The following CEACAM19 variants were observed in gnomAD, a reference collection of about 807,000 sequenced individuals.
The protein encoded by CEACAM19 is cell adhesion molecule CEACAM19.
Under a neutral mutation model 37.6 loss-of-function variants are expected in CEACAM19, and 37 were observed. The observed-to-expected ratio is 0.98, with a 90% CI of 0.76 to 1.29. CEACAM19 has a LOEUF of 1.29. Ranked by LOEUF, CEACAM19 falls within the 50% of genes most tolerant of loss-of-function variation. The pLI is 0.00. For missense variants in CEACAM19, 340 were observed against 375.6 expected (o/e 0.91, Z 0.78); for synonymous variants, 140 against 149.8 (o/e 0.93, Z 0.48).
At chr19:44,683,207 C>CA in intron 7 of CEACAM19, 1 of 434,232 alleles carries the variant, frequency 2.3e-6, no homozygotes. Context: ...TCTCTCTCTC[C>CA]ATTCTCTGTC....
chr19:44,680,239 G>T (rs770718642), intron 4 of CEACAM19, 49 bp from the exon 5 acceptor site: 2 of 1,493,654 alleles, frequency 1.3e-6, no homozygotes, highest in East Asian at 2.3e-5. Flanking sequence ...CTCTCCCCCC[G>T]CCTGAGTGTC....
At position 44,678,878 on chromosome 19, in the gene CEACAM19, T is replaced by C. The variant is rs373826358; in HGVS notation, c.601T>C (p.Ser201Pro). Residue 201 changes from serine (S) to proline (P), a missense_variant, in exon 4 of 8, where the codon TCT (serine) becomes CCT (proline). Physicochemically the swap from Ser to Pro is moderately conservative, Grantham distance 74 (BLOSUM62 -1). Coordinates refer to ENST00000358777, the MANE Select transcript of CEACAM19 (RefSeq NM_001127893.3). ...HRLPAPRGQG[S>P]LSILCSAVSP... ...ACTGCCTGCTCCGAGGGGCCAGGGA[T>C]CTCTGTCCATCTTGTGCTCGGCTGT... is the stretch of plus-strand genomic sequence containing the variant. 25 of 1,613,888 alleles carry C rather than the reference T, an allele frequency of 1.5e-5. No homozygotes were observed. The highest frequency in any genetic ancestry group is 1.9e-5 in the Non-Finnish European group (23 of 1,179,980).
Position 44,676,383 on chromosome 19 carries a change from T to C in CEACAM19, c.537T>C (p.Tyr179=), listed in dbSNP as rs141597522. 2.5e-6 allele frequency: 4 copies of C among 1,613,884 alleles called. No homozygotes were observed. The African/African-American group carries it at 4.0e-5, about 16-fold the overall frequency. The change falls in exon 3 of 8, where the codon TAT becomes TAC. Residue 179 remains tyrosine, a synonymous_variant. Coordinates refer to ENST00000358777, the MANE Select transcript of CEACAM19 (RefSeq NM_001127893.3). ...CCCTTCTCATCAGCTGCATTGCCTATCTCCTGGTGACAAGGAACTGGAGGG... is the reference window on the plus strand; with the variant it reads ...CCCTTCTCATCAGCTGCATTGCCTACCTCCTGGTGACAAGGAACTGGAGGG... ...AGALLISCIA[Y]LLVTRNWRGQ...
At chr19:44,667,573 TAA>T, upstream of CEACAM19, among the ~76,000 whole-genome samples, 2 of 117,124 alleles carry the variant, frequency 1.7e-5, no homozygotes, top group African/African-American at 3.3e-5. Context: ...AATATATATA[TAA>T]ATTATATATG....
At position 44,671,931 on chromosome 19, in the gene CEACAM19, G is replaced by C. The variant is rs1568514435; in HGVS notation, c.-1G>C. On this transcript the variant is annotated 5_prime_UTR_variant, in exon 1 of 8. Transcript: ENST00000358777. ...CCTTGGCATTTCCACAAGACGCCAAGATGGAGATTCCCATGGGGACCCAGG... is the reference window on the plus strand; with the variant it reads ...CCTTGGCATTTCCACAAGACGCCAACATGGAGATTCCCATGGGGACCCAGG... The C allele has an allele frequency of 3.1e-6, 5 of 1,605,040 alleles. No individual in the cohort carries two copies. The highest frequency in any genetic ancestry group is 4.3e-6 in the Non-Finnish European group (5 of 1,176,054).
chr19:44,680,382 C>T (rs778588662), intron 5 of CEACAM19, 48 bp downstream of exon 5: 1 of 1,518,760 alleles, frequency 6.6e-7, no homozygotes, highest in Admixed American at 1.7e-5. Context: ...CTCTCAGCTC[C>T]TCCTTTCTCC....
intron 3 of CEACAM19, 113 bp downstream of exon 3, chr19:44,676,534 G>C: frequency 9.8e-7 from 1 of 1,024,894 alleles, no homozygotes; most frequent in Non-Finnish European, 1.5e-6. Context: ...TCAAATCTTG[G>C]AACTCCTGGG....
rs1973863097 is a variant in CEACAM19 at position 44,671,973 on chromosome 19, C to G, written c.42C>G (p.Ser14Arg). ...PMGTQGCFSKSLLLSASILVL... is the reference protein window; with the variant it reads ...PMGTQGCFSKRLLLSASILVL... ...GGACCCAGGGCTGCTTCTCAAAGAG[C>G]CTCCTGCTCTCAGGTAAGGAGGAAA... Residue 14 changes from serine (S) to arginine (R), a missense_variant, in exon 1 of 8, where the codon AGC (serine) becomes AGG (arginine). By Grantham distance (110) the Ser-to-Arg change is moderately radical. Transcript: ENST00000358777. 1.2e-6 allele frequency: 2 copies of G among 1,605,920 alleles called. No homozygotes were observed. Among genetic ancestry groups the G allele is most frequent in the Non-Finnish European group, 1.7e-6 (2 of 1,176,262 alleles).
At chr19:44,666,393 G>A (rs1041159908) in intron 1 of CEACAM19, among the ~76,000 whole-genome samples, 3 of 152,224 alleles carry the variant, frequency 2.0e-5, no homozygotes, top group Non-Finnish European at 4.4e-5. Flanking sequence ...GAAGGGCCGG[G>A]CACAGTGGCT....
At chr19:44,674,548 A>G (rs1477134047) in intron 2 of CEACAM19, among the ~76,000 whole-genome samples, 1 of 151,774 alleles carries the variant, frequency 6.6e-6, no homozygotes, top group Non-Finnish European at 1.5e-5. Context: ...CTGTAGGCGC[A>G]TGCCATCACA....
At chr19:44,680,396 A>T in intron 5 of CEACAM19, 62 bp downstream of exon 5, 1 of 1,439,290 alleles carries the variant, frequency 6.9e-7, no homozygotes, top group South Asian at 1.1e-5. Context: ...TTTCTCCCCT[A>T]TAGCCACAAG....
At chr19:44,667,591 ATTTT>A (rs1436809373), upstream of CEACAM19, among the ~76,000 whole-genome samples, 1 of 110,256 alleles carries the variant, frequency 9.1e-6, no homozygotes, top group African/African-American at 3.5e-5. Context: ...ATATGTATAT[ATTTT>A]TATATATAAA....
At chr19:44,672,047 A>C in intron 1 of CEACAM19, 61 bp downstream of exon 1, 1 of 1,379,518 alleles carries the variant, frequency 7.2e-7, no homozygotes, top group South Asian at 1.2e-5. Flanking sequence ...CCAGAGATTG[A>C]AGTTTCCTCT....
In CEACAM19 at chr19:44,683,563, CAG is replaced by C; in HGVS notation, c.*74_*75del. On this transcript the variant is annotated 3_prime_UTR_variant, in exon 8 of 8. Coordinates refer to ENST00000358777, the MANE Select transcript of CEACAM19 (RefSeq NM_001127893.3). ...CCTCTGGGAGCCTCACACCTGAGAC[CAG>C]CAGGACAAGGCCATTGGGGGCTGTG... 1.0e-6 allele frequency: 1 copy of C among 1,001,464 alleles called. No individual in the cohort carries two copies. The allele number at this position is 1,001,464 out of a possible 1,614,324, so 62.0% of individuals were successfully genotyped here.
upstream of CEACAM19, among the ~76,000 whole-genome samples, chr19:44,670,310 G>A (rs1457099058): frequency 1.4e-5 from 2 of 146,804 alleles, no homozygotes; most frequent in African/African-American, 2.5e-5. Flanking sequence ...GCAACAGAGC[G>A]AGACCCTGTC....
At chr19:44,676,032 A>G (rs935812845) in intron 2 of CEACAM19, among the ~76,000 whole-genome samples, 2 of 151,834 alleles carry the variant, frequency 1.3e-5, no homozygotes, top group Non-Finnish European at 2.9e-5. Context: ...CGGCCTCCCA[A>G]ATTGCTGGGA....
intron 2 of CEACAM19, among the ~76,000 whole-genome samples, chr19:44,674,685 G>A (rs1439248930): frequency 1.3e-5 from 2 of 152,198 alleles, no homozygotes; most frequent in African/African-American, 2.4e-5. Context: ...TTACAGGCGT[G>A]AGCCACCACC....
chr19:44,672,123 C>A, intron 1 of CEACAM19, 137 bp downstream of exon 1: 1 of 715,776 alleles, frequency 1.4e-6, no homozygotes, highest in Non-Finnish European at 2.4e-6. Flanking sequence ...GCAACAGAAT[C>A]ACAGCCTCAT....
At chr19:44,679,168 A>G (rs763771288) in intron 4 of CEACAM19, among the ~76,000 whole-genome samples, 2 of 151,738 alleles carry the variant, frequency 1.3e-5, no homozygotes, top group Non-Finnish European at 2.9e-5. Context: ...AATTTTTGTA[A>G]TTTTTGTAGA....
Sources: gnomAD v4.1 joint callset for allele counts (sites outside exome capture counted in the v4.1 genomes callset) on GRCh38, gnomAD v4.1.1 for gene constraint, MANE v1.5 for transcripts, NCBI Gene and HGNC (gene_info 2026-07-23, HGNC 2026-07-21) for gene names.